The following MTFR1 variants were observed in gnomAD, a reference collection of about 807,000 sequenced individuals.
MTFR1 encodes mitochondrial fission regulator 1.
A neutral mutation model predicts 38.8 loss-of-function variants in MTFR1; 28 were observed. The ratio of observed to expected loss-of-function variants is 0.72; its 90% confidence interval spans 0.53 to 0.99. The LOEUF is 0.99. Among genes scored for constraint, MTFR1 ranks in the 50% least tolerant of loss-of-function variants. MTFR1 has a pLI of 0.00. For synonymous variants in MTFR1, 145 were observed against 137.0 expected (o/e 1.06, Z -0.41); for missense variants, 358 against 395.5 (o/e 0.91, Z 0.81).
intron 1 of MTFR1, among the ~76,000 whole-genome samples, chr8:65,657,628 C>T (rs1476769315): frequency 6.6e-6 from 1 of 151,742 alleles, no homozygotes; most frequent in African/African-American, 2.4e-5. Flanking sequence ...CACTCGAGCC[C>T]CAGGAGTTTG....
Position 65,669,865 on chromosome 8 carries a change from A to G in MTFR1, c.-80-8A>G. ...TTTCATTTTAGTATTTGCATTTTAA[A>G]TTTTCAGTGTGTTTTATGGACCATG... On this transcript the variant is annotated splice_polypyrimidine_tract_variant and splice_region_variant and intron_variant, in intron 1 of 7. Transcript: ENST00000262146. 3.9e-6 allele frequency: 4 copies of G among 1,030,342 alleles called. No homozygotes were observed. The highest frequency in any genetic ancestry group is 5.9e-6 in the Non-Finnish European group (4 of 678,448). 63.8% of individuals were successfully genotyped at this position (1,030,342 alleles called of 1,614,324 possible).
At chr8:65,722,469 A>G (rs1363678652) in intron 3 of MTFR1, 2 of 152,186 alleles carry the variant, frequency 1.3e-5, no homozygotes, top group Non-Finnish European at 2.9e-5. Context: ...GTTTCTGGAA[A>G]CTTCATCTTT....
intron 3 of MTFR1, among the ~76,000 whole-genome samples, chr8:65,763,496 C>T (rs992429940): frequency 2.0e-5 from 3 of 151,662 alleles, no homozygotes; most frequent in South Asian, 2.1e-4. Context: ...ACCCAGGAGG[C>T]GAAGGTTGAG....
chr8:65,645,495 T>C (rs1808932837), intron 1 of MTFR1, among the ~76,000 whole-genome samples: 1 of 152,214 alleles, frequency 6.6e-6, no homozygotes, highest in African/African-American at 2.4e-5. Flanking sequence ...GTTTCAGTAA[T>C]TATCAATACG....
chr8:65,645,691 TTC>T (rs1491169558), intron 1 of MTFR1, among the ~76,000 whole-genome samples: 4 of 105,068 alleles, frequency 3.8e-5, no homozygotes, highest in African/African-American at 1.7e-4. Context: ...ACGCCCGGCT[TTC>T]CCCCCCCCCC....
chr8:65,763,565 C>CA (rs10706103), intron 3 of MTFR1, among the ~76,000 whole-genome samples: 125 of 147,230 alleles, frequency 8.5e-4, no homozygotes, highest in Admixed American at 3.5e-3. Context: ...AACTCCGTCT[C>CA]AAAAAAAAAA....
At chr8:65,717,516 GCTT>G (rs1563465584) in intron 2 of MTFR1, 1 of 152,226 alleles carries the variant, frequency 6.6e-6, no homozygotes, top group African/African-American at 2.4e-5. Flanking sequence ...CCCTAACTGG[GCTT>G]CTGCTTACTC....
At chr8:65,648,351 ATTAGGGATATAAACCAT>A in intron 1 of MTFR1, among the ~76,000 whole-genome samples, 1 of 152,112 alleles carries the variant, frequency 6.6e-6, no homozygotes, top group East Asian at 1.9e-4. Context: ...CTTTATATTC[ATTAGGGATATAAACCAT>A]TTGTTACATT....
intron 3 of MTFR1, chr8:65,724,650 G>T: frequency 1.2e-6 from 1 of 808,340 alleles, no homozygotes; most frequent in Non-Finnish European, 1.9e-6. Flanking sequence ...TGCGCTAATT[G>T]AAGGAAATTC....
chr8:65,739,704 T>C, intron 3 of MTFR1: 1 of 1,154,388 alleles, frequency 8.7e-7, no homozygotes, highest in Non-Finnish European at 1.1e-6. Context: ...AGAGTAATAA[T>C]TCCCACTTTT....
intron 3 of MTFR1, chr8:65,734,655 C>T (rs1215136845): frequency 1.7e-6 from 1 of 581,436 alleles, no homozygotes; most frequent in East Asian, 2.8e-5. Flanking sequence ...GATTCAGAAA[C>T]TTGATCCAGC....
At chr8:65,728,049 G>A (rs1806681895) in intron 3 of MTFR1, 1 of 152,162 alleles carries the variant, frequency 6.6e-6, no homozygotes, top group Non-Finnish European at 1.5e-5. Flanking sequence ...TTCATGAAAT[G>A]CCTCTCATTT....
At chr8:65,662,344 C>T (rs1809453551) in intron 1 of MTFR1, among the ~76,000 whole-genome samples, 1 of 151,968 alleles carries the variant, frequency 6.6e-6, no homozygotes. Context: ...GAGTGATCCG[C>T]CAGCCTCGGC....
intron 3 of MTFR1, chr8:65,727,518 C>A: frequency 4.2e-6 from 2 of 475,930 alleles, no homozygotes; most frequent in Non-Finnish European, 7.3e-6. Context: ...AGTGGCCCTG[C>A]CCATGTGGAG....
chr8:65,740,795 A>ATC (rs983092519), intron 3 of MTFR1, among the ~76,000 whole-genome samples: 1 of 151,614 alleles, frequency 6.6e-6, no homozygotes, highest in Non-Finnish European at 1.5e-5. Flanking sequence ...CACCCCACCA[A>ATC]TCTCTCTCTC....
rs753663368 is a variant in MTFR1 at position 65,709,884 on chromosome 8, G to C, written c.*840G>C. 1 of 152,520 alleles carries C rather than the reference G, an allele frequency of 6.6e-6. No individual in the cohort carries two copies. The highest frequency in any genetic ancestry group is 2.4e-5 in the African/African-American group (1 of 41,414). 9.4% of individuals were successfully genotyped at this position (152,520 alleles called of 1,614,324 possible). ...TAAAGATGACTTTGCTAAGTTAATA[G>C]AGTTAAAAATTTTTTTAATATAAGC... On this transcript the variant is annotated 3_prime_UTR_variant, in exon 8 of 8. Transcript: ENST00000262146.
At chr8:65,676,498 G>C (rs1486675330) in intron 2 of MTFR1, among the ~76,000 whole-genome samples, 1 of 151,998 alleles carries the variant, frequency 6.6e-6, no homozygotes, top group Non-Finnish European at 1.5e-5. Flanking sequence ...TGAGTAGCTG[G>C]GATTACAGGT....
intron 3 of MTFR1, among the ~76,000 whole-genome samples, chr8:65,729,700 T>C (rs1477864747): frequency 6.6e-6 from 1 of 151,374 alleles, no homozygotes; most frequent in Non-Finnish European, 1.5e-5. Flanking sequence ...GCAGCTGGGA[T>C]TATAGGCGCC....
At chr8:65,656,212 A>T (rs1809266034) in intron 1 of MTFR1, among the ~76,000 whole-genome samples, 1 of 151,428 alleles carries the variant, frequency 6.6e-6, no homozygotes, top group Non-Finnish European at 1.5e-5. Context: ...AACAAAACAA[A>T]ACAAAAACAA....
Sources: gnomAD v4.1 joint callset for allele counts (sites outside exome capture counted in the v4.1 genomes callset) on GRCh38, gnomAD v4.1.1 for gene constraint, MANE v1.5 for transcripts, NCBI Gene and HGNC (gene_info 2026-07-23, HGNC 2026-07-21) for gene names.